Variants in CTNNA3 observed in about 807,000 individuals in gnomAD.
CTNNA3 encodes catenin alpha 3.
Under a neutral mutation model 95.7 loss-of-function variants are expected in CTNNA3, and 76 were observed. That is an observed-to-expected ratio of 0.79 (90% CI 0.66 to 0.96). The LOEUF is 0.96. Among genes scored for constraint, CTNNA3 ranks in the 40% least tolerant of loss-of-function variants. The pLI is 0.00. For missense variants in CTNNA3, 1,191 were observed against 1,089.8 expected (o/e 1.09, Z -1.31); for synonymous variants, 431 against 374.4 (o/e 1.15, Z -1.74).
chr10:66,579,342 A>C (rs1357605152), intron 10 of CTNNA3, among the ~76,000 whole-genome samples: 1 of 151,886 alleles, frequency 6.6e-6, no homozygotes, highest in African/African-American at 2.4e-5. Context: ...CAGAAGAATC[A>C]GTAGTATTTG....
At chr10:66,661,607 C>A (rs185545850) in intron 9 of CTNNA3, among the ~76,000 whole-genome samples, 1 of 152,016 alleles carries the variant, frequency 6.6e-6, no homozygotes, top group Admixed American at 6.6e-5. Flanking sequence ...ACTCTCATAT[C>A]CCCTCTTGGT....
intron 5 of CTNNA3, among the ~76,000 whole-genome samples, chr10:67,412,693 G>A (rs763878121): frequency 1.3e-5 from 2 of 151,976 alleles, no homozygotes; most frequent in African/African-American, 4.8e-5. Flanking sequence ...AGAGATTAGG[G>A]GCCTATTTTC....
intron 13 of CTNNA3, among the ~76,000 whole-genome samples, chr10:66,149,058 T>C (rs1391466346): frequency 6.6e-6 from 1 of 150,814 alleles, no homozygotes; most frequent in Non-Finnish European, 1.5e-5. Context: ...ACAATACTTG[T>C]TATAGTTTAT....
At chr10:67,558,825 A>G (rs1841357881) in intron 3 of CTNNA3, among the ~76,000 whole-genome samples, 1 of 152,232 alleles carries the variant, frequency 6.6e-6, no homozygotes, top group Non-Finnish European at 1.5e-5. Flanking sequence ...ATGGCACGCC[A>G]GGAGATTATA....
chr10:67,265,111 C>T (rs977669924), intron 5 of CTNNA3, among the ~76,000 whole-genome samples: 2 of 152,164 alleles, frequency 1.3e-5, no homozygotes, highest in Admixed American at 6.6e-5. Context: ...ATCTGTTCTA[C>T]TTGCCATACC....
intron 10 of CTNNA3, among the ~76,000 whole-genome samples, chr10:66,530,578 T>A (rs1841431313): frequency 1.3e-5 from 2 of 152,192 alleles, no homozygotes; most frequent in Admixed American, 6.5e-5. Context: ...CTTCCCACCA[T>A]GAATCTCCAT....
intron 1 of CTNNA3, among the ~76,000 whole-genome samples, chr10:67,673,824 T>C (rs1335874630): frequency 4.3e-5 from 6 of 139,496 alleles, no homozygotes; most frequent in African/African-American, 1.6e-4. Context: ...TTCTTACCTC[T>C]AGACTTCTTG....
At chr10:66,566,712 C>A (rs1024508860) in intron 10 of CTNNA3, among the ~76,000 whole-genome samples, 1 of 151,970 alleles carries the variant, frequency 6.6e-6, no homozygotes, top group Non-Finnish European at 1.5e-5. Flanking sequence ...TCCTGTGACT[C>A]CTGAGTAGGA....
At chr10:66,728,649 G>A (rs1848853580) in intron 9 of CTNNA3, among the ~76,000 whole-genome samples, 1 of 152,048 alleles carries the variant, frequency 6.6e-6, no homozygotes, top group Non-Finnish European at 1.5e-5. Context: ...GAGTGCAGTG[G>A]TGCAACCTCT....
At chr10:66,984,860 C>T (rs1195760476) in intron 7 of CTNNA3, among the ~76,000 whole-genome samples, 1 of 152,092 alleles carries the variant, frequency 6.6e-6, no homozygotes, top group Non-Finnish European at 1.5e-5. Context: ...AAAATACTGC[C>T]TTTTACTGAC....
chr10:66,720,768 G>A (rs1327894174), intron 9 of CTNNA3, among the ~76,000 whole-genome samples: 1 of 152,140 alleles, frequency 6.6e-6, no homozygotes, highest in Non-Finnish European at 1.5e-5. Context: ...CGGAGGCAGA[G>A]GTTGCAGTGA....
chr10:67,354,653 A>G (rs893183822), intron 5 of CTNNA3, among the ~76,000 whole-genome samples: 1 of 152,004 alleles, frequency 6.6e-6, no homozygotes, highest in Non-Finnish European at 1.5e-5. Flanking sequence ...CAAACAATAT[A>G]TCTAGGGAAT....
chr10:67,487,385 C>G (rs1258670601), intron 5 of CTNNA3, among the ~76,000 whole-genome samples: 1 of 152,156 alleles, frequency 6.6e-6, no homozygotes, highest in Non-Finnish European at 1.5e-5. Flanking sequence ...CGCAGCTGGC[C>G]TTTACAGCAG....
chr10:65,964,145 T>C (rs1322460755), intron 17 of CTNNA3, among the ~76,000 whole-genome samples: 2 of 152,184 alleles, frequency 1.3e-5, no homozygotes, highest in African/African-American at 4.8e-5. Flanking sequence ...AGAGATCTTA[T>C]AGAAAAATGA....
chr10:66,762,264 T>C (rs932304118), intron 9 of CTNNA3, among the ~76,000 whole-genome samples: 6 of 152,076 alleles, frequency 3.9e-5, no homozygotes, highest in Admixed American at 6.6e-5. Context: ...TTGTCATTAA[T>C]TGAACACATT....
chr10:67,668,635 C>T (rs1840372822), intron 1 of CTNNA3, among the ~76,000 whole-genome samples: 1 of 151,966 alleles, frequency 6.6e-6, no homozygotes, highest in African/African-American at 2.4e-5. Flanking sequence ...ACATGCTGGA[C>T]AAAAAGATGA....
At chr10:67,129,311 TG>T (rs1859876006) in intron 7 of CTNNA3, among the ~76,000 whole-genome samples, 1 of 152,200 alleles carries the variant, frequency 6.6e-6, no homozygotes, top group African/African-American at 2.4e-5. Flanking sequence ...TCATTTCAAA[TG>T]TTACCACTTT....
In CTNNA3 at chr10:66,293,874, C is replaced by T. The variant is rs1589043309; in HGVS notation, c.1733-13253G>A. ...TAGAGACGGGGTTTCAACATATTGG[C>T]CAGGCTGGTCTTGAACTCCTGACCT... On this transcript the variant is annotated intron_variant, in intron 12 of 17. Coordinates refer to ENST00000433211, the MANE Select transcript of CTNNA3 (RefSeq NM_013266.4). 3.9e-5 allele frequency among the ~76,000 whole-genome samples: 6 copies of T among 152,058 alleles called. 1 individual carries two copies. The highest frequency in any genetic ancestry group is 3.9e-4 in the Admixed American group (6 of 15,260).
At chr10:67,514,093 G>A (rs1303446282) in intron 5 of CTNNA3, among the ~76,000 whole-genome samples, 2 of 152,106 alleles carry the variant, frequency 1.3e-5, no homozygotes, top group African/African-American at 4.8e-5. Flanking sequence ...GGTGAATCGA[G>A]TTCAAGACCA....
Sources: gnomAD v4.1 joint callset for allele counts (sites outside exome capture counted in the v4.1 genomes callset) on GRCh38, gnomAD v4.1.1 for gene constraint, MANE v1.5 for transcripts, NCBI Gene and HGNC (gene_info 2026-07-23, HGNC 2026-07-21) for gene names.